Variants in RANBP2 observed in about 807,000 individuals in gnomAD.
RANBP2 encodes the protein E3 SUMO-protein ligase RanBP2.
A neutral mutation model predicts 303.6 loss-of-function variants in RANBP2; 57 were observed. The observed-to-expected ratio is 0.19, with a 90% CI of 0.15 to 0.23. RANBP2 has a LOEUF of 0.23. RANBP2 is among the 10% of genes least tolerant of loss of function. The probability of loss-of-function intolerance (pLI) is 1.00; values close to 1 mark genes in which losing one functional copy is unlikely to be tolerated. For missense variants in RANBP2, 3,138 were observed against 3,780.8 expected (o/e 0.83, Z 4.46); for synonymous variants, 1,167 against 1,301.5 (o/e 0.90, Z 2.23).
the RANBP2 span, among the ~76,000 whole-genome samples, chr2:109,292,884 C>G: frequency 2.6e-5 from 4 of 152,152 alleles, no homozygotes; most frequent in Admixed American, 2.0e-4. Flanking sequence ...AGGTGTGCAC[C>G]AGCATGCCTG....
At chr2:109,493,807 TAC>T in the RANBP2 span, among the ~76,000 whole-genome samples, 1 of 151,954 alleles carries the variant, frequency 6.6e-6, no homozygotes, top group African/African-American at 2.4e-5. Flanking sequence ...AACACACAGA[TAC>T]ACACACTATA....
At chr2:109,764,966 G>A in the RANBP2 span, among the ~76,000 whole-genome samples, 2 of 115,760 alleles carry the variant, frequency 1.7e-5, no homozygotes, top group African/African-American at 8.1e-5. Flanking sequence ...TTAATCATTG[G>A]AGAGAAAGTC....
At chr2:109,482,780 A>G in the RANBP2 span, among the ~76,000 whole-genome samples, 3 of 152,326 alleles carry the variant, frequency 2.0e-5, 1 homozygote, top group Admixed American at 2.0e-4. Flanking sequence ...CACCACTGAT[A>G]ACAGCAAGAG....
chr2:109,083,036 C>T, the RANBP2 span, among the ~76,000 whole-genome samples: 3 of 151,910 alleles, frequency 2.0e-5, no homozygotes, highest in African/African-American at 7.3e-5. Flanking sequence ...CTATGTTAGC[C>T]AGGATGGTCT....
At chr2:109,374,403 C>T in the RANBP2 span, among the ~76,000 whole-genome samples, 2 of 152,198 alleles carry the variant, frequency 1.3e-5, no homozygotes, top group Non-Finnish European at 2.9e-5. Context: ...ACTTTTCATT[C>T]TTTATGTACT....
chr2:109,766,181 C>T, the RANBP2 span, among the ~76,000 whole-genome samples: 2 of 151,134 alleles, frequency 1.3e-5, no homozygotes, highest in East Asian at 4.1e-4. Context: ...GGAGGGGCCT[C>T]GGCAGGTACG....
the RANBP2 span, among the ~76,000 whole-genome samples, chr2:109,590,043 T>C: frequency 2.2e-5 from 3 of 134,842 alleles, no homozygotes; most frequent in South Asian, 2.4e-4. Flanking sequence ...TATACACACA[T>C]ATATATGTGT....
the RANBP2 span, among the ~76,000 whole-genome samples, chr2:109,165,513 G>A: frequency 6.6e-6 from 1 of 152,242 alleles, no homozygotes; most frequent in African/African-American, 2.4e-5. Flanking sequence ...ACCAGCAGTA[G>A]TTGGGACCCA....
chr2:109,691,861 C>A, the RANBP2 span, among the ~76,000 whole-genome samples: 1 of 136,694 alleles, frequency 7.3e-6, no homozygotes, highest in African/African-American at 2.7e-5. Flanking sequence ...CGGCTCATTG[C>A]AAACTCCACC....
the RANBP2 span, chr2:109,614,705 C>T: frequency 1.3e-6 from 2 of 1,488,668 alleles, no homozygotes; most frequent in Non-Finnish European, 1.8e-6. Context: ...ATCCCGCCGA[C>T]GGCGCCAAGT....
the RANBP2 span, among the ~76,000 whole-genome samples, chr2:109,177,706 C>T: frequency 1.3e-5 from 2 of 152,208 alleles, no homozygotes; most frequent in African/African-American, 4.8e-5. Flanking sequence ...CTCTGAATAA[C>T]TTAGGACAGG....
the RANBP2 span, among the ~76,000 whole-genome samples, chr2:109,144,176 A>G: frequency 1.4e-4 from 22 of 152,362 alleles, no homozygotes; most frequent in South Asian, 6.2e-4. Context: ...GAACTTTGCT[A>G]AAAGAATAGA....
At chr2:109,130,110 A>G in the RANBP2 span, 125 of 1,321,638 alleles carry the variant, frequency 9.5e-5, no homozygotes, top group Non-Finnish European at 1.2e-4. Flanking sequence ...CGCCGGCGGC[A>G]AAGGTGAGTA....
At chr2:109,660,492 A>G in the RANBP2 span, among the ~76,000 whole-genome samples, 61 of 152,226 alleles carry the variant, frequency 4.0e-4, 3 homozygotes, top group Non-Finnish European at 7.3e-5. Context: ...CAATTTGCTC[A>G]AAACACCAAG....
the RANBP2 span, among the ~76,000 whole-genome samples, chr2:109,187,130 G>C: frequency 1.3e-5 from 2 of 149,752 alleles, no homozygotes; most frequent in African/African-American, 2.4e-5. Context: ...ACAGGGTGAG[G>C]GACACAGGAC....
chr2:109,247,943 G>A, the RANBP2 span, among the ~76,000 whole-genome samples: 3 of 152,146 alleles, frequency 2.0e-5, no homozygotes, highest in African/African-American at 7.2e-5. Context: ...AGACTCCAAC[G>A]TGCAAGCGCT....
chr2:108,726,787 G>A (rs1205040062), intron 1 of RANBP2, among the ~76,000 whole-genome samples: 5 of 151,862 alleles, frequency 3.3e-5, no homozygotes, highest in Non-Finnish European at 7.4e-5. Flanking sequence ...GCAGCCTTCC[G>A]CAGTGTTTGT....
the RANBP2 span, among the ~76,000 whole-genome samples, chr2:109,345,777 A>G: frequency 6.6e-6 from 1 of 152,162 alleles, no homozygotes; most frequent in Non-Finnish European, 1.5e-5. Flanking sequence ...TTGTAAATTT[A>G]ACCAAACAGG....
At chr2:109,642,137 A>G in the RANBP2 span, among the ~76,000 whole-genome samples, 1 of 152,072 alleles carries the variant, frequency 6.6e-6, no homozygotes, top group Non-Finnish European at 1.5e-5. Flanking sequence ...CATGTTGGCT[A>G]GGCTGGTCTC....
Sources: gnomAD v4.1 joint callset for allele counts (sites outside exome capture counted in the v4.1 genomes callset) on GRCh38, gnomAD v4.1.1 for gene constraint, MANE v1.5 for transcripts, NCBI Gene and HGNC (gene_info 2026-07-23, HGNC 2026-07-21) for gene names.